Variants in ARHGEF7 observed in about 807,000 individuals in gnomAD.
ARHGEF7 encodes the protein PAK-interacting exchange factor beta.
ARHGEF7 carries 33 observed loss-of-function variants against 109.8 expected under a neutral mutation model. That is an observed-to-expected ratio of 0.30 (90% confidence interval 0.23 to 0.40). The LOEUF (loss-of-function observed/expected upper bound fraction) is 0.40, where lower values mean the gene tolerates loss of function less well. ARHGEF7 is among the 10% of genes least tolerant of loss of function. The probability of loss-of-function intolerance (pLI) is 1.00; values close to 1 mark genes in which losing one functional copy is unlikely to be tolerated. For missense variants in ARHGEF7, 938 were observed against 1,098.5 expected (o/e 0.85, Z 2.07); for synonymous variants, 458 against 424.6 (o/e 1.08, Z -0.97).
intron 4 of ARHGEF7, among the ~76,000 whole-genome samples, chr13:111,211,828 ACT>A (rs2082535487): frequency 6.6e-6 from 1 of 152,146 alleles, no homozygotes; most frequent in African/African-American, 2.4e-5. Context: ...GCCACCTGTC[ACT>A]CTCTCCTTTT....
At chr13:111,240,418 G>A (rs2087566682) in intron 6 of ARHGEF7, among the ~76,000 whole-genome samples, 1 of 152,236 alleles carries the variant, frequency 6.6e-6, no homozygotes, top group African/African-American at 2.4e-5. Context: ...AGGACCAGCA[G>A]TGCTAACACA....
Position 111,130,198 on chromosome 13 carries a change from G to C in ARHGEF7, c.165+14507G>C, listed in dbSNP as rs1208494522. Reference sequence around the variant, plus strand: ...TCGCTTGGGGACAATAGCTGGGGTAGGAGAAAGTGATTGTGGAGTAGCTCA... The same window carrying C: ...TCGCTTGGGGACAATAGCTGGGGTACGAGAAAGTGATTGTGGAGTAGCTCA... On this transcript the variant is annotated intron_variant, in intron 1 of 21. Coordinates refer to ENST00000646102, the MANE Select transcript of ARHGEF7 (RefSeq NM_001354046.2). Among the ~76,000 whole-genome samples the C allele has an allele frequency of 5.9e-5, 9 of 152,230 alleles. 1 individual carries two copies. The South Asian group carries it at 1.9e-3, about 32-fold the overall frequency.
At chr13:111,280,231 C>T in intron 13 of ARHGEF7, 41 bp from the exon 14 acceptor site, 3 of 1,541,236 alleles carry the variant, frequency 1.9e-6, no homozygotes, top group Non-Finnish European at 2.7e-6. Context: ...TCTAGAAAAG[C>T]ACTAATTGTT....
At chr13:111,240,563 G>C (rs1827070812) in intron 6 of ARHGEF7, among the ~76,000 whole-genome samples, 1 of 152,174 alleles carries the variant, frequency 6.6e-6, no homozygotes, top group African/African-American at 2.4e-5. Context: ...CCTTTCCGTG[G>C]AGTCAGATGT....
chr13:111,197,994 A>G (rs1368810008), intron 2 of ARHGEF7, among the ~76,000 whole-genome samples: 2 of 152,126 alleles, frequency 1.3e-5, no homozygotes, highest in African/African-American at 4.8e-5. Context: ...AGTTCCGCTC[A>G]TGGCCACAGG....
At chr13:111,161,957 G>A (rs1182077825) in intron 2 of ARHGEF7, among the ~76,000 whole-genome samples, 2 of 152,124 alleles carry the variant, frequency 1.3e-5, no homozygotes, top group Non-Finnish European at 2.9e-5. Context: ...AAGTTTCCAC[G>A]GTTGTGAACA....
chr13:111,198,728 AC>A (rs1197427469), intron 2 of ARHGEF7, among the ~76,000 whole-genome samples: 1 of 152,170 alleles, frequency 6.6e-6, no homozygotes, highest in Non-Finnish European at 1.5e-5. Flanking sequence ...GAGCAAAAGA[AC>A]AAAGCTTCCA....
chr13:111,275,429 A>C, intron 11 of ARHGEF7, 103 bp from the exon 12 acceptor site: 2 of 1,254,198 alleles, frequency 1.6e-6, no homozygotes, highest in South Asian at 1.3e-5. Flanking sequence ...AAGAAGTAAG[A>C]TATAAAGCAA....
intron 2 of ARHGEF7, among the ~76,000 whole-genome samples, chr13:111,156,299 G>A (rs2153383010): frequency 6.6e-6 from 1 of 152,284 alleles, no homozygotes; most frequent in Non-Finnish European, 1.5e-5. Context: ...CTAATAGAAT[G>A]AACTTGAGGT....
intron 11 of ARHGEF7, 55 bp downstream of exon 11, chr13:111,274,845 G>T (rs935755013): frequency 8.5e-7 from 1 of 1,176,634 alleles, no homozygotes; most frequent in Non-Finnish European, 1.1e-6. Context: ...ACAAATGAAT[G>T]TAAAAGAATT....
Position 111,281,375 on chromosome 13 carries a change from C to T in ARHGEF7, c.1725+698C>T, listed in dbSNP as rs1567067448. 2.0e-5 allele frequency among the ~76,000 whole-genome samples: 3 copies of T among 151,912 alleles called. No individual in the cohort carries two copies. The South Asian group carries it at 6.2e-4, about 32-fold the overall frequency. On this transcript the variant is annotated intron_variant, in intron 15 of 21. Transcript: ENST00000646102. ...AAAGAATGAATGACGATGACACAGG[C>T]GTTTTCTGCTTACAGATTTCCTCAC...
chr13:111,280,830 C>G, intron 15 of ARHGEF7, 153 bp downstream of exon 15: 1 of 880,214 alleles, frequency 1.1e-6, no homozygotes. Flanking sequence ...ATCTTTGGCC[C>G]TCTTCGTGCA....
chr13:111,166,749 C>T (rs1039227022), intron 2 of ARHGEF7, among the ~76,000 whole-genome samples: 1 of 152,222 alleles, frequency 6.6e-6, no homozygotes, highest in Non-Finnish European at 1.5e-5. Flanking sequence ...CATGCTCCAT[C>T]AGGATATCTG....
intron 1 of ARHGEF7, among the ~76,000 whole-genome samples, chr13:111,147,570 C>A (rs1270533417): frequency 1.3e-5 from 2 of 152,336 alleles, no homozygotes; most frequent in African/African-American, 4.8e-5. Flanking sequence ...CACAGCTTCA[C>A]CCATGATCTC....
intron 4 of ARHGEF7, among the ~76,000 whole-genome samples, chr13:111,213,070 G>A (rs1050715911): frequency 2.0e-4 from 31 of 152,206 alleles, no homozygotes; most frequent in Non-Finnish European, 4.0e-4. Flanking sequence ...GAGAGCGGAG[G>A]AGAGGGTATT....
intron 18 of ARHGEF7, among the ~76,000 whole-genome samples, chr13:111,291,735 G>C (rs904952566): frequency 3.3e-5 from 5 of 152,196 alleles, no homozygotes; most frequent in African/African-American, 1.2e-4. Flanking sequence ...TTTGTTAATT[G>C]AATGTGGAAT....
intron 5 of ARHGEF7, among the ~76,000 whole-genome samples, chr13:111,224,006 G>A (rs180925346): frequency 4.7e-4 from 71 of 152,022 alleles, no homozygotes; most frequent in East Asian, 7.7e-4. Context: ...ACAGGTGCCC[G>A]CCACCACGCC....
intron 5 of ARHGEF7, among the ~76,000 whole-genome samples, chr13:111,219,064 G>T (rs898321439): frequency 6.6e-6 from 1 of 152,130 alleles, no homozygotes; most frequent in Non-Finnish European, 1.5e-5. Context: ...AGTTCTAAGT[G>T]TACTGTTCAG....
rs562656439 is a variant in ARHGEF7, at chr13:111,121,425, G to A, written c.165+5734G>A. Among the ~76,000 whole-genome samples, 89 of 152,312 alleles carry A rather than the reference G, an allele frequency of 5.8e-4. 5 individuals carry two copies. In the South Asian group the frequency reaches 0.018, roughly 30 times the overall value. The stretch of plus-strand genomic sequence containing the variant: ...CACCACACACACTTTTAAAATTCAA[G>A]TACTATGTACACACGAACATCTCTC... On this transcript the variant is annotated intron_variant, in intron 1 of 21. Transcript: ENST00000646102.
Sources: allele counts gnomAD v4.1 joint callset (sites outside exome capture counted in the v4.1 genomes callset), GRCh38; gene constraint gnomAD v4.1.1; transcripts MANE v1.5; gene names NCBI Gene and HGNC (gene_info 2026-07-23, HGNC 2026-07-21).